The following HTT variants were observed in gnomAD, a reference collection of about 807,000 sequenced individuals.
HTT encodes the protein huntingtin, also known as huntington disease protein.
A neutral mutation model predicts 362.3 loss-of-function variants in HTT; 104 were observed. The observed-to-expected ratio is 0.29, with a 90% CI of 0.24 to 0.34. The LOEUF is 0.34. Ranked by LOEUF, HTT falls within the 10% of genes least tolerant of loss-of-function variation. The pLI is 1.00. For synonymous variants in HTT, 1,577 were observed against 1,548.7 expected, an observed-to-expected ratio of 1.02 and a Z score of -0.43; for missense variants, 3,301 against 3,928.6, an observed-to-expected ratio of 0.84 and a Z score of 4.27.
chr4:3,115,646 C>T (rs1369396182), intron 7 of HTT, among the ~76,000 whole-genome samples: 1 of 152,188 alleles, frequency 6.6e-6, no homozygotes, highest in Non-Finnish European at 1.5e-5. Context: ...AGGGACTGGG[C>T]AGTGGGTGTG....
chr4:3,236,292 C>T (rs1721527606), intron 64 of HTT, 38 bp downstream of exon 64: 4 of 1,418,106 alleles, frequency 2.8e-6, no homozygotes, highest in African/African-American at 1.4e-5. Context: ...CGTTAGCTTC[C>T]CTAGAACTTT....
intron 5 of HTT, 109 bp from the exon 6 acceptor site, chr4:3,107,176 T>G: frequency 9.0e-7 from 1 of 1,116,922 alleles, no homozygotes; most frequent in South Asian, 1.5e-5. Flanking sequence ...CCCATCCCAT[T>G]AGGGACTGTT....
At position 3,177,333 on chromosome 4, in the gene HTT, T is replaced by G; in HGVS notation, c.4409T>G (p.Val1470Gly). ...GAAATTTTATTTTCCTTCCTGTAGG[T>G]GTTTATTGGCTTTGTATTGAAACAG... ...VNYCLLDSDQ[V>G]FIGFVLKQFE... Residue 1470 changes from valine (V) to glycine (G), a missense_variant and splice_region_variant, in exon 34 of 67, where the codon GTG becomes GGG. Coordinates refer to ENST00000355072, the MANE Select transcript of HTT (RefSeq NM_001388492.1). 6.3e-7 allele frequency: 1 copy of G among 1,596,272 alleles called. No individual in the cohort carries two copies. The highest frequency in any genetic ancestry group is 8.6e-7 in the Non-Finnish European group (1 of 1,169,376).
chr4:3,235,409 C>A lies in HTT; in HGVS notation c.8571+11C>A. Reference sequence around the variant, plus strand: ...GCATCAATAATACAGGTGAGTGGGCCCTGGCTGTCTTCCTCTGCACACGGG... The same window carrying A: ...GCATCAATAATACAGGTGAGTGGGCACTGGCTGTCTTCCTCTGCACACGGG... On this transcript the variant is annotated intron_variant, in intron 62 of 66. Transcript: ENST00000355072. 1.3e-6 allele frequency: 2 copies of A among 1,568,862 alleles called. No homozygotes were observed. Among genetic ancestry groups the A allele is most frequent in the Non-Finnish European group, 1.8e-6 (2 of 1,138,700 alleles).
chr4:3,230,076 G>T (rs1257645412), intron 60 of HTT, 34 bp downstream of exon 60: 4 of 1,590,854 alleles, frequency 2.5e-6, no homozygotes, highest in Non-Finnish European at 3.4e-6. Flanking sequence ...TTTCTGTGCT[G>T]AAGCCACGGG....
chr4:3,169,887 T>A (rs974944032), intron 29 of HTT, among the ~76,000 whole-genome samples: 18 of 152,262 alleles, frequency 1.2e-4, no homozygotes, highest in African/African-American at 4.3e-4. Flanking sequence ...GTTCAGTGTA[T>A]ATCACTAATT....
chr4:3,113,238 T>G lies in HTT; in HGVS notation c.748-2066T>G, dbSNP rs370640604. Among the ~76,000 whole-genome samples, 4 of 152,340 alleles carry G rather than the reference T, an allele frequency of 2.6e-5. No homozygotes were observed. In the South Asian group the frequency reaches 6.2e-4, roughly 24 times the overall value. On this transcript the variant is annotated intron_variant, in intron 6 of 66. Transcript: ENST00000355072. ...GAGCTCTCTGACTAAATTTTATTCTTTATTATTCCAAACTATTTAAGCTCA... is the reference window on the plus strand; with the variant it reads ...GAGCTCTCTGACTAAATTTTATTCTGTATTATTCCAAACTATTTAAGCTCA...
rs918926499 is a variant in HTT at position 3,190,217 on chromosome 4, C to T, written c.5368+1124C>T. On this transcript the variant is annotated intron_variant, in intron 40 of 66. Transcript: ENST00000355072. ...AAAAACTAGCTAGATATGGTGGGCA[C>T]ATGCCTGTAGTCCCAGCTACTTGGG... Among the ~76,000 whole-genome samples, 36 of 151,784 alleles carry T rather than the reference C, an allele frequency of 2.4e-4. 1 individual carries two copies. The highest frequency in any genetic ancestry group is 7.5e-4 in the African/African-American group (31 of 41,372).
intron 6 of HTT, among the ~76,000 whole-genome samples, chr4:3,109,537 C>G (rs1417897595): frequency 6.6e-6 from 1 of 152,118 alleles, no homozygotes; most frequent in Non-Finnish European, 1.5e-5. Flanking sequence ...TTCCACATTT[C>G]TAAATAACAT....
At position 3,130,407 on chromosome 4, in the gene HTT, G is replaced by C. The variant is rs776198452; in HGVS notation, c.1970G>C (p.Gly657Ala). The C allele has an allele frequency of 6.3e-7, 1 of 1,595,804 alleles. No individual in the cohort carries two copies. Among genetic ancestry groups the C allele is most frequent in the South Asian group, 1.1e-5 (1 of 88,886 alleles). ...TTGAGAGATGAAGCTACTGAACCGG[G>C]TGATCAAGAAAACAAGGTGAGGGAC... ...FVLRDEATEP[G>A]DQENKPCRIK... Residue 657 changes from glycine to alanine, a missense_variant, in exon 14 of 67, where the codon GGT (glycine) becomes GCT (alanine). By Grantham distance (60) the Gly-to-Ala change is moderately conservative (BLOSUM62 0). Transcript: ENST00000355072.
chr4:3,229,817 T>A, intron 59 of HTT, 70 bp from the exon 60 acceptor site: 1 of 1,523,326 alleles, frequency 6.6e-7, no homozygotes, highest in South Asian at 1.1e-5. Context: ...AGTAGTAGCG[T>A]TCTGGATGCG....
Position 3,099,281 on chromosome 4 carries a change from C to T in HTT, c.355C>T (p.Pro119Ser), listed in dbSNP as rs745364744. ...TCTTCTTTTTTTGCTTAGAAATTCT[C>T]CAGAATTTCAGAAACTTCTGGGCAT... ...NIVAQSVRNS[P>S]EFQKLLGIAM... Residue 119 changes from proline to serine, a missense_variant, in exon 3 of 67, where the codon CCA becomes TCA. By Grantham distance (74) the Pro-to-Ser change is moderately conservative (BLOSUM62 -1). Transcript: ENST00000355072. 16 of 1,612,068 alleles carry T rather than the reference C, an allele frequency of 9.9e-6. No homozygotes were observed. Among genetic ancestry groups the T allele is most frequent in the Middle Eastern group, 3.3e-4 (2 of 6,060 alleles).
intron 59 of HTT, among the ~76,000 whole-genome samples, chr4:3,229,233 GC>G (rs1721087358): frequency 7.5e-6 from 1 of 133,612 alleles, no homozygotes; most frequent in African/African-American, 2.9e-5. Context: ...CAGCACACAT[GC>G]CACACACACA....
intron 57 of HTT, among the ~76,000 whole-genome samples, chr4:3,227,239 T>G (rs3135055): frequency 0.33 from 34,497 of 106,116 alleles, 5,712 homozygotes; most frequent in East Asian, 0.46. Flanking sequence ...GGGGCTGAAG[T>G]ACAGTGCCAC....
chr4:3,225,367 A>G (rs561213647), intron 56 of HTT, among the ~76,000 whole-genome samples: 27 of 152,300 alleles, frequency 1.8e-4, no homozygotes, highest in Non-Finnish European at 1.6e-4. Context: ...ACCAGTTCCT[A>G]TTCACAGAGG....
In HTT at chr4:3,242,441, T is replaced by G. The variant is rs1459998350; in HGVS notation, c.*2382T>G. 6.6e-6 allele frequency: 1 copy of G among 152,200 alleles called. No homozygotes were observed. The highest frequency in any genetic ancestry group is 1.9e-4 in the East Asian group (1 of 5,198). 9.4% of individuals were successfully genotyped at this position (152,200 alleles called of 1,614,324 possible). On this transcript the variant is annotated 3_prime_UTR_variant, in exon 67 of 67. Coordinates refer to ENST00000355072, the MANE Select transcript of HTT (RefSeq NM_001388492.1). ...ATCTATAATTTTACACACACACCTC[T>G]CAAGACGGAGATGCATGGCCTCTAA...
At chr4:3,226,338 C>T (rs1166754945) in intron 57 of HTT, among the ~76,000 whole-genome samples, 2 of 152,148 alleles carry the variant, frequency 1.3e-5, no homozygotes, top group African/African-American at 2.4e-5. Flanking sequence ...GGTGTGGTGG[C>T]TAACACCTGT....
At chr4:3,081,782 C>T (rs972252313) in intron 1 of HTT, among the ~76,000 whole-genome samples, 4 of 151,536 alleles carry the variant, frequency 2.6e-5, no homozygotes, top group Admixed American at 2.6e-4. Context: ...GTCTTGAACT[C>T]CTGACCTCAG....
chr4:3,129,854 TC>T lies in HTT; in HGVS notation c.1744-68del, dbSNP rs1424506859. 1.9e-6 allele frequency: 3 copies of T among 1,591,550 alleles called. No homozygotes were observed. The African/African-American group carries it at 4.0e-5, about 21-fold the overall frequency. On this transcript the variant is annotated intron_variant, in intron 12 of 66. Transcript: ENST00000355072. ...AAATGTGCTCTTTCCTCATTGCACTTCCATGTTGGAGGGCTTGTCTCTTGGT... is the reference window on the plus strand; with the variant it reads ...AAATGTGCTCTTTCCTCATTGCACTTCATGTTGGAGGGCTTGTCTCTTGGT...
Sources: allele counts gnomAD v4.1 joint callset (sites outside exome capture counted in the v4.1 genomes callset), GRCh38; gene constraint gnomAD v4.1.1; transcripts MANE v1.5; gene names NCBI Gene and HGNC (gene_info 2026-07-23, HGNC 2026-07-21).